Variants in PLD5 observed in about 807,000 individuals in gnomAD.
The protein encoded by PLD5 is inactive phospholipase D5.
PLD5 carries 36 observed loss-of-function variants against 61.1 expected under a neutral mutation model. The ratio of observed to expected loss-of-function variants is 0.59; its 90% CI spans 0.45 to 0.78. PLD5 has a LOEUF of 0.78. Among genes scored for constraint, PLD5 ranks in the 30% least tolerant of loss-of-function variants. PLD5 has a pLI of 0.00. For missense variants in PLD5, 515 were observed against 644.4 expected (o/e 0.80, Z 2.17); for synonymous variants, 243 against 242.8 (o/e 1.00, Z -0.01).
intron 5 of PLD5, among the ~76,000 whole-genome samples, chr1:242,151,400 T>C (rs941695681): frequency 4.6e-5 from 7 of 151,964 alleles, no homozygotes; most frequent in African/African-American, 1.4e-4. Context: ...ACTTTTTTTC[T>C]AATTTTGGAA....
At chr1:242,416,097 A>T (rs1664821615) in intron 1 of PLD5, among the ~76,000 whole-genome samples, 1 of 151,770 alleles carries the variant, frequency 6.6e-6, no homozygotes, top group Admixed American at 6.6e-5. Context: ...AGTATTGGCT[A>T]CTGTTTTCTA....
intron 2 of PLD5, among the ~76,000 whole-genome samples, chr1:242,311,577 A>G (rs1185116232): frequency 2.0e-5 from 3 of 152,134 alleles, no homozygotes; most frequent in African/African-American, 4.8e-5. Context: ...AAATTACACA[A>G]TTTCTGCTGG....
At position 242,421,176 on chromosome 1, in the gene PLD5, CAAA is replaced by C. The variant is rs5782234; in HGVS notation, c.190-72937_190-72935del. ...GCCTGGGGACAGTGAGACTCCACCT[CAAA>C]AAAAAAAAAAAAAAAAAAAAGGATG... On this transcript the variant is annotated intron_variant, in intron 1 of 9. Coordinates refer to ENST00000536534, the MANE Select transcript of PLD5 (RefSeq NM_001372062.1). Among the ~76,000 whole-genome samples the C allele has an allele frequency of 5.7e-3, 373 of 65,152 alleles. 1 individual carries two copies. Among genetic ancestry groups the C allele is most frequent in the African/African-American group, 0.018 (334 of 18,532 alleles). 42.7% of individuals were successfully genotyped at this position (65,152 alleles called of 152,430 possible). A position where few individuals can be genotyped will look rare whatever the true frequency, so the allele number is the denominator to read the frequency against.
upstream of PLD5, among the ~76,000 whole-genome samples, chr1:242,527,062 A>G (rs1413827461): frequency 6.1e-5 from 9 of 146,614 alleles, no homozygotes; most frequent in Non-Finnish European, 1.3e-4. Context: ...TTTTTAAACT[A>G]TACCTTTATA....
At chr1:242,360,207 G>A (rs530694635) in intron 1 of PLD5, among the ~76,000 whole-genome samples, 81 of 152,092 alleles carry the variant, frequency 5.3e-4, no homozygotes, top group African/African-American at 1.8e-3. Context: ...CTTTTGAACC[G>A]GGGCCCTAAA....
intron 5 of PLD5, among the ~76,000 whole-genome samples, chr1:242,181,681 T>C (rs1476870345): frequency 1.3e-5 from 2 of 152,084 alleles, no homozygotes; most frequent in African/African-American, 4.8e-5. Context: ...TGTTTTGTTT[T>C]GAGACAGAGT....
intron 1 of PLD5, among the ~76,000 whole-genome samples, chr1:242,444,752 T>C (rs1379640931): frequency 3.4e-5 from 5 of 146,954 alleles, no homozygotes; most frequent in Non-Finnish European, 6.0e-5. Flanking sequence ...AAGTAGGCTA[T>C]ATATATAATA....
At chr1:242,325,176 C>G (rs778025776) in intron 2 of PLD5, among the ~76,000 whole-genome samples, 5 of 151,978 alleles carry the variant, frequency 3.3e-5, no homozygotes, top group Non-Finnish European at 7.4e-5. Flanking sequence ...CATCCTACAC[C>G]TCCAGAAAGT....
intron 5 of PLD5, among the ~76,000 whole-genome samples, chr1:242,205,286 A>C (rs970163680): frequency 6.6e-6 from 1 of 152,236 alleles, no homozygotes; most frequent in African/African-American, 2.4e-5. Flanking sequence ...AAGTAATTAT[A>C]TAATTTGAGA....
chr1:242,523,833 G>A (rs1451401518), intron 1 of PLD5, among the ~76,000 whole-genome samples: 1 of 152,216 alleles, frequency 6.6e-6, no homozygotes, highest in African/African-American at 2.4e-5. Context: ...GAACCCTACC[G>A]GGAGACGCAG....
chr1:242,233,547 G>C (rs183978349), intron 4 of PLD5, among the ~76,000 whole-genome samples: 93 of 151,660 alleles, frequency 6.1e-4, no homozygotes, highest in African/African-American at 2.2e-3. Flanking sequence ...GAGAGAGAGA[G>C]AGGAGTTGGA....
chr1:242,460,623 C>A (rs1667088123), intron 1 of PLD5, among the ~76,000 whole-genome samples: 1 of 148,982 alleles, frequency 6.7e-6, no homozygotes, highest in African/African-American at 2.6e-5. Flanking sequence ...GACACACAAA[C>A]AACACATACA....
chr1:242,522,504 G>A (rs1254705327), intron 1 of PLD5, among the ~76,000 whole-genome samples: 1 of 152,182 alleles, frequency 6.6e-6, no homozygotes, highest in Non-Finnish European at 1.5e-5. Flanking sequence ...CTGATTTTCA[G>A]TAAGAGAATA....
rs182716523 is a variant in PLD5 at position 242,144,719 on chromosome 1, T to G, written c.736-20054A>C. ...TCACTTGAACCTGGGAGGCAGAGGT[T>G]GAAGTGAGCTGAGATTGCGCCACTG... On this transcript the variant is annotated intron_variant, in intron 5 of 9. Coordinates refer to ENST00000536534, the MANE Select transcript of PLD5 (RefSeq NM_001372062.1). 8.8e-4 allele frequency among the ~76,000 whole-genome samples: 134 copies of G among 152,210 alleles called. 4 individuals carry two copies. In the South Asian group the frequency reaches 0.013, roughly 15 times the overall value.
chr1:242,494,514 T>C (rs1173712371), intron 1 of PLD5, among the ~76,000 whole-genome samples: 1 of 152,156 alleles, frequency 6.6e-6, no homozygotes, highest in Non-Finnish European at 1.5e-5. Flanking sequence ...TGACTCTCAC[T>C]GTGTACCTCC....
At chr1:242,346,019 C>G (rs1413809088) in intron 2 of PLD5, among the ~76,000 whole-genome samples, 5 of 100,658 alleles carry the variant, frequency 5.0e-5, no homozygotes, top group African/African-American at 1.6e-4. Context: ...GATCTCCCCC[C>G]CCCCCATATA....
At chr1:242,331,051 G>A (rs1030948199) in intron 2 of PLD5, among the ~76,000 whole-genome samples, 1 of 152,098 alleles carries the variant, frequency 6.6e-6, no homozygotes, top group Admixed American at 6.5e-5. Context: ...CTCACTCGGT[G>A]TGGGGTACTA....
At chr1:242,191,058 G>A (rs1668242905) in intron 5 of PLD5, among the ~76,000 whole-genome samples, 1 of 151,392 alleles carries the variant, frequency 6.6e-6, no homozygotes. Flanking sequence ...GCAAGAGGAG[G>A]CTCCTTCTGA....
chr1:242,107,203 C>T (rs1415117993), intron 8 of PLD5, among the ~76,000 whole-genome samples: 2 of 152,086 alleles, frequency 1.3e-5, no homozygotes, highest in African/African-American at 2.4e-5. Context: ...GGGCCGGGTG[C>T]GGTGGCTCAT....
Sources: allele counts gnomAD v4.1 joint callset (sites outside exome capture counted in the v4.1 genomes callset), GRCh38; gene constraint gnomAD v4.1.1; transcripts MANE v1.5; gene names NCBI Gene and HGNC (gene_info 2026-07-23, HGNC 2026-07-21).